The following ALG6 variants were observed in gnomAD, a reference collection of about 807,000 sequenced individuals.
ALG6 encodes ALG6 alpha-1,3-glucosyltransferase.
Under a neutral mutation model 66.6 loss-of-function variants are expected in ALG6, and 46 were observed. That is an observed-to-expected ratio of 0.69 (90% CI 0.55 to 0.88). ALG6 has a LOEUF of 0.88. ALG6 is among the 40% of genes least tolerant of loss of function. The probability of loss-of-function intolerance (pLI) is 0.00; values close to 1 mark genes in which losing one functional copy is unlikely to be tolerated. For missense variants in ALG6, 505 were observed against 586.8 expected, an observed-to-expected ratio of 0.86 and a Z score of 1.44; for synonymous variants, 185 against 203.7, an observed-to-expected ratio of 0.91 and a Z score of 0.78.
chr1:63,387,532 CTTTTTTTTTTTTTTT>C (rs760731397), intron 2 of ALG6, among the ~76,000 whole-genome samples: 2 of 59,494 alleles, frequency 3.4e-5, no homozygotes, highest in East Asian at 6.4e-4. Context: ...TTGTCTTTCT[CTTTTTTTTTTTTTTT>C]TTTTTTTTTT....
chr1:63,437,109 G>A lies in ALG6; in HGVS notation c.*89G>A, dbSNP rs531808380. On this transcript the variant is annotated 3_prime_UTR_variant, in exon 15 of 15. Coordinates refer to ENST00000263440, the MANE Select transcript of ALG6 (RefSeq NM_013339.4). ...TGTGAACTTTTTGCTATGTATAAAT[G>A]AAATTACCATTTTGAGAACCATGGA... is the stretch of plus-strand genomic sequence containing the variant. The A allele has an allele frequency of 1.3e-3, 1,505 of 1,155,956 alleles. 1 individual carries two copies. Among genetic ancestry groups the A allele is most frequent in the Non-Finnish European group, 1.8e-3 (1,445 of 799,578 alleles). 71.6% of individuals were successfully genotyped at this position (1,155,956 alleles called of 1,614,324 possible).
chr1:63,387,523 T>C (rs1275537942), intron 2 of ALG6, among the ~76,000 whole-genome samples: 1 of 144,804 alleles, frequency 6.9e-6, no homozygotes, highest in Non-Finnish European at 1.5e-5. Context: ...TGACCTTCTT[T>C]GTCTTTCTCT....
chr1:63,433,456 G>A lies in ALG6; in HGVS notation c.1327-3367G>A, dbSNP rs1193393024. Among the ~76,000 whole-genome samples, 1 of 152,190 alleles carries A rather than the reference G, an allele frequency of 6.6e-6. No homozygotes were observed. The highest frequency in any genetic ancestry group is 1.5e-5 in the Non-Finnish European group (1 of 68,020). ...CTGAGGGTTTTGCACTTTAGGTAATGACCATGGAGGATAGTGGTGTGGGAG... is the reference window on the plus strand; with the variant it reads ...CTGAGGGTTTTGCACTTTAGGTAATAACCATGGAGGATAGTGGTGTGGGAG... On this transcript the variant is annotated intron_variant, in intron 14 of 14. Coordinates refer to ENST00000263440, the MANE Select transcript of ALG6 (RefSeq NM_013339.4). This position sits in a 1 kb window ranked among gnomAD's most constrained non-coding sequence, Gnocchi z 4.2.
rs151113653 is a variant in ALG6, at chr1:63,405,174, C to T, written c.346+633C>T. Among the ~76,000 whole-genome samples the T allele has an allele frequency of 1.1e-4, 17 of 152,164 alleles. No homozygotes were observed. In the East Asian group the frequency reaches 2.3e-3, roughly 21 times the overall value. On this transcript the variant is annotated intron_variant, in intron 5 of 14. Coordinates refer to ENST00000263440, the MANE Select transcript of ALG6 (RefSeq NM_013339.4). Reference sequence around the variant, plus strand: ...GAGTTTGTTCTCCTTACAATTCATCCAGTCATGGAATCTTAGGCCCAAGAG... The same window carrying T: ...GAGTTTGTTCTCCTTACAATTCATCTAGTCATGGAATCTTAGGCCCAAGAG...
chr1:63,422,300 TATAA>T (rs1266248815), intron 12 of ALG6, among the ~76,000 whole-genome samples: 1 of 85,668 alleles, frequency 1.2e-5, no homozygotes, highest in Non-Finnish European at 2.1e-5. Flanking sequence ...TTTATATAGA[TATAA>T]ATATATATCT....
At chr1:63,377,623 C>T (rs1462642141) in intron 2 of ALG6, among the ~76,000 whole-genome samples, 3 of 152,222 alleles carry the variant, frequency 2.0e-5, no homozygotes. Flanking sequence ...CAGATCCTCA[C>T]TTCCCAAGTT....
At chr1:63,395,889 A>G (rs1367280750) in intron 2 of ALG6, among the ~76,000 whole-genome samples, 1 of 152,220 alleles carries the variant, frequency 6.6e-6, no homozygotes, top group Non-Finnish European at 1.5e-5. Context: ...TCGGGAAATA[A>G]AAAAGGATGA....
At chr1:63,404,410 G>A in intron 4 of ALG6, 43 bp from the exon 5 acceptor site, 1 of 1,432,774 alleles carries the variant, frequency 7.0e-7, no homozygotes, top group Non-Finnish European at 9.9e-7. Flanking sequence ...ATTGCTAAAA[G>A]GGATGAGGAA....
intron 2 of ALG6, among the ~76,000 whole-genome samples, chr1:63,377,271 A>G (rs975037937): frequency 6.6e-6 from 1 of 152,164 alleles, no homozygotes; most frequent in African/African-American, 2.4e-5. Context: ...CCTGAATTTC[A>G]TATCACTGTT....
intron 2 of ALG6, among the ~76,000 whole-genome samples, chr1:63,386,369 T>A (rs1025032423): frequency 1.5e-4 from 23 of 152,168 alleles, no homozygotes; most frequent in African/African-American, 5.1e-4. Flanking sequence ...TTTTTTGGAA[T>A]AGTTTGAATA....
At chr1:63,384,086 C>A (rs1273700815) in intron 2 of ALG6, among the ~76,000 whole-genome samples, 1 of 152,148 alleles carries the variant, frequency 6.6e-6, no homozygotes, top group Non-Finnish European at 1.5e-5. Context: ...GCTTGCGAAT[C>A]TTGGCTATTG....
chr1:63,412,293 G>A (rs1359298073), intron 9 of ALG6, among the ~76,000 whole-genome samples: 2 of 152,088 alleles, frequency 1.3e-5, no homozygotes, highest in Admixed American at 6.6e-5. Context: ...CTACAGCCTT[G>A]AACTCCTGGG....
chr1:63,380,758 A>G (rs980818493), intron 2 of ALG6, among the ~76,000 whole-genome samples: 2 of 152,188 alleles, frequency 1.3e-5, no homozygotes, highest in Non-Finnish European at 2.9e-5. Flanking sequence ...TGACTTACAT[A>G]TATTACTTAA....
intron 2 of ALG6, among the ~76,000 whole-genome samples, chr1:63,396,310 A>AT (rs1023649252): frequency 1.3e-5 from 2 of 151,946 alleles, no homozygotes; most frequent in Non-Finnish European, 2.9e-5. Context: ...GTTTAGGGAG[A>AT]TTAAGTAATT....
At chr1:63,385,103 A>G (rs1394855326) in intron 2 of ALG6, among the ~76,000 whole-genome samples, 1 of 151,624 alleles carries the variant, frequency 6.6e-6, no homozygotes, top group Non-Finnish European at 1.5e-5. Flanking sequence ...CTTCCAATCC[A>G]TGAACATGGA....
In ALG6 at chr1:63,419,181, GA is replaced by G. The variant is rs1249031957; in HGVS notation, c.988-183del. Among the ~76,000 whole-genome samples, 14 of 151,782 alleles carry G rather than the reference GA, an allele frequency of 9.2e-5. No homozygotes were observed. The South Asian group carries it at 1.5e-3, about 16-fold the overall frequency. On this transcript the variant is annotated intron_variant, in intron 11 of 14. Coordinates refer to ENST00000263440, the MANE Select transcript of ALG6 (RefSeq NM_013339.4). ...TAAAGCTTTATAATCATTGTTTTTT[GA>G]AAAAATATGTCAATTTTTTAATTTG...
At chr1:63,402,788 A>G (rs1186236687) in intron 4 of ALG6, among the ~76,000 whole-genome samples, 1 of 150,328 alleles carries the variant, frequency 6.7e-6, no homozygotes, top group African/African-American at 2.4e-5. Flanking sequence ...ATTGTGTATT[A>G]CAAATGGGTT....
chr1:63,381,926 A>G (rs550586112), intron 2 of ALG6, among the ~76,000 whole-genome samples: 26 of 152,220 alleles, frequency 1.7e-4, no homozygotes, highest in South Asian at 2.1e-4. Context: ...TAGAGTGACT[A>G]TTTACAGGAT....
At chr1:63,373,694 C>T (rs985800933) in intron 2 of ALG6, among the ~76,000 whole-genome samples, 1 of 148,264 alleles carries the variant, frequency 6.7e-6, no homozygotes, top group Non-Finnish European at 1.5e-5. Context: ...AGGGTCTCCC[C>T]CTGTTGCCCA....
Sources: gnomAD v4.1 joint callset for allele counts (sites outside exome capture counted in the v4.1 genomes callset) on GRCh38, gnomAD v4.1.1 for gene constraint, Gnocchi (gnomAD v3.1) non-coding constraint, MANE v1.5 for transcripts, NCBI Gene and HGNC (gene_info 2026-07-23, HGNC 2026-07-21) for gene names.